The following ELFN1 variants were observed in gnomAD, a reference collection of about 807,000 sequenced individuals.
The protein encoded by ELFN1 is extracellular leucine rich repeat and fibronectin type III domain containing 1, also known as protein ELFN1.
In ELFN1, 6 loss-of-function variants were observed where a neutral mutation model predicts 7.6. That is an observed-to-expected ratio of 0.79 (90% CI 0.43 to 1.56). ELFN1 has a LOEUF of 1.56. Ranked by LOEUF, ELFN1 falls within the 40% of genes most tolerant of loss-of-function variation. The pLI is 0.01. For synonymous variants in ELFN1, 657 were observed against 588.1 expected, an observed-to-expected ratio of 1.12 and a Z score of -1.70; for missense variants, 1,169 against 1,232.2, an observed-to-expected ratio of 0.95 and a Z score of 0.77.
At chr7:1,683,538 T>G (rs988867946) in intron 1 of ELFN1, among the ~76,000 whole-genome samples, 2 of 152,260 alleles carry the variant, frequency 1.3e-5, no homozygotes, top group Non-Finnish European at 2.9e-5. Context: ...TGGAATGTTC[T>G]ATAAATGTCA....
chr7:1,709,494 GCCGGGGGAC>G (rs1247734181), intron 3 of ELFN1, among the ~76,000 whole-genome samples: 1 of 152,264 alleles, frequency 6.6e-6, no homozygotes, highest in East Asian at 1.9e-4. Context: ...GCCTGGGGCT[GCCGGGGGAC>G]CCGGAAATAG....
chr7:1,697,316 C>G (rs1562364483), intron 2 of ELFN1, among the ~76,000 whole-genome samples: 1 of 152,202 alleles, frequency 6.6e-6, no homozygotes, highest in Non-Finnish European at 1.5e-5. Flanking sequence ...GTGTGGGACT[C>G]AGAGAGGAAC....
At chr7:1,717,918 C>A (rs1398253050) in intron 3 of ELFN1, among the ~76,000 whole-genome samples, 1 of 152,168 alleles carries the variant, frequency 6.6e-6, no homozygotes, top group Non-Finnish European at 1.5e-5. Flanking sequence ...TTGTAATCTG[C>A]TCCTCTGAGC....
intron 3 of ELFN1, chr7:1,738,934 C>G (rs143461344): frequency 2.6e-5 from 4 of 152,016 alleles, no homozygotes; most frequent in African/African-American, 7.2e-5. Context: ...GGGTGCAGAG[C>G]AGGGAGGGCT....
At chr7:1,742,516 A>C (rs957465439) in intron 3 of ELFN1, among the ~76,000 whole-genome samples, 9 of 152,222 alleles carry the variant, frequency 5.9e-5, no homozygotes, top group African/African-American at 2.2e-4. Context: ...TGGCAGGTGC[A>C]CACGGCATGA....
At chr7:1,719,789 C>G (rs1779961391) in intron 3 of ELFN1, among the ~76,000 whole-genome samples, 1 of 152,078 alleles carries the variant, frequency 6.6e-6, no homozygotes, top group African/African-American at 2.4e-5. Context: ...CCCCTACCAT[C>G]ACCTCTGCAA....
At chr7:1,725,516 C>T (rs536394219) in intron 3 of ELFN1, among the ~76,000 whole-genome samples, 1 of 152,130 alleles carries the variant, frequency 6.6e-6, no homozygotes, top group African/African-American at 2.4e-5. Flanking sequence ...ACACAGGCCT[C>T]CCTCCCGGGC....
At chr7:1,677,641 C>A (rs1253265908) in intron 1 of ELFN1, among the ~76,000 whole-genome samples, 1 of 152,170 alleles carries the variant, frequency 6.6e-6, no homozygotes, top group Non-Finnish European at 1.5e-5. Flanking sequence ...TGCACACCCT[C>A]CTGGCCCCCC....
intron 3 of ELFN1, among the ~76,000 whole-genome samples, chr7:1,743,077 G>A (rs564500093): frequency 2.6e-5 from 3 of 113,264 alleles, no homozygotes; most frequent in East Asian, 2.6e-4. Flanking sequence ...CCCTTATCTC[G>A]AGGGTAGTGG....
Position 1,745,310 on chromosome 7 carries a change from C to T in ELFN1, c.714C>T (p.Gly238=), listed in dbSNP as rs1390345356. 1.3e-6 allele frequency: 2 copies of T among 1,538,896 alleles called. No homozygotes were observed. The highest frequency in any genetic ancestry group is 1.7e-6 in the Non-Finnish European group (2 of 1,146,776). ...ACCTCCTGGGCCAGGGCCGCCGCGG[C>T]CACCGCAGCATCCTCAGCAAACTGC... The part of the protein sequence containing the change: ...GYYLLGQGRR[G]HRSILSKLQS... Residue 238 remains glycine (G), a synonymous_variant, in exon 4 of 4, where the codon GGC becomes GGT. Transcript: ENST00000424383.
chr7:1,717,660 C>T (rs1224472352), intron 3 of ELFN1, among the ~76,000 whole-genome samples: 3 of 152,136 alleles, frequency 2.0e-5, no homozygotes, highest in African/African-American at 7.2e-5. Context: ...TCAGAGTGGC[C>T]TTCTAGGAAA....
At chr7:1,713,674 G>C (rs1024709148) in intron 3 of ELFN1, among the ~76,000 whole-genome samples, 2 of 152,144 alleles carry the variant, frequency 1.3e-5, no homozygotes, top group African/African-American at 4.8e-5. Flanking sequence ...AGCAGGGCCT[G>C]GGAGCCCATG....
chr7:1,684,402 A>G (rs1307019244), intron 1 of ELFN1, among the ~76,000 whole-genome samples: 1 of 152,168 alleles, frequency 6.6e-6, no homozygotes, highest in Non-Finnish European at 1.5e-5. Context: ...GCCATTGATC[A>G]TATTGCTGTC....
chr7:1,700,223 G>A (rs76429146), intron 2 of ELFN1, among the ~76,000 whole-genome samples: 15,577 of 152,186 alleles, frequency 0.1, 839 homozygotes, highest in Middle Eastern at 0.15. Context: ...AGCAGGGTGC[G>A]AAAGTCCCAT....
Position 1,745,820 on chromosome 7 carries a change from G to A in ELFN1, c.1224G>A (p.Pro408=), listed in dbSNP as rs368802923. The change falls in exon 4 of 4, where the codon CCG becomes CCA. Residue 408 remains proline, a synonymous_variant. Transcript: ENST00000424383. ...CLPRLPSPPG[P]VPSPSTATHY... The stretch of plus-strand genomic sequence containing the variant: ...CCCGGCTGCCCAGCCCGCCTGGTCC[G>A]GTGCCCAGCCCCTCCACGGCCACCC... 100 of 1,570,566 alleles carry A rather than the reference G, an allele frequency of 6.4e-5. No individual in the cohort carries two copies. The East Asian group carries it at 1.0e-3, about 16-fold the overall frequency.
intron 2 of ELFN1, among the ~76,000 whole-genome samples, chr7:1,703,688 G>A (rs571320779): frequency 6.6e-6 from 1 of 152,268 alleles, no homozygotes; most frequent in Non-Finnish European, 1.5e-5. Flanking sequence ...CAGGGAGGTG[G>A]CATCTTGTGC....
At chr7:1,713,679 C>T (rs114503848) in intron 3 of ELFN1, among the ~76,000 whole-genome samples, 1,855 of 152,184 alleles carry the variant, frequency 0.012, 40 homozygotes, top group African/African-American at 0.042. Flanking sequence ...GGCCTGGGAG[C>T]CCATGGAGGT....
chr7:1,697,891 C>T (rs1419298626), intron 2 of ELFN1, among the ~76,000 whole-genome samples: 1 of 152,186 alleles, frequency 6.6e-6, no homozygotes, highest in Non-Finnish European at 1.5e-5. Context: ...TTCAAGTGAT[C>T]CTCCCGCCTC....
intron 3 of ELFN1, among the ~76,000 whole-genome samples, chr7:1,726,034 C>T (rs1254967544): frequency 3.3e-5 from 5 of 152,026 alleles, no homozygotes; most frequent in East Asian, 1.9e-4. Flanking sequence ...ACACAACTTG[C>T]GCAAAAATCA....
Sources: allele counts gnomAD v4.1 joint callset (sites outside exome capture counted in the v4.1 genomes callset), GRCh38; gene constraint gnomAD v4.1.1; transcripts MANE v1.5; gene names NCBI Gene and HGNC (gene_info 2026-07-23, HGNC 2026-07-21).